Variants in DIAPH2 observed in about 807,000 individuals in gnomAD.
The protein encoded by DIAPH2 is protein diaphanous homolog 2.
In DIAPH2, 35 loss-of-function variants were observed where a neutral mutation model predicts 92.7. The observed-to-expected ratio is 0.38, with a 90% CI of 0.29 to 0.50. The LOEUF (loss-of-function observed/expected upper bound fraction) is 0.50. Ranked by LOEUF, DIAPH2 falls within the 20% of genes least tolerant of loss-of-function variation. DIAPH2 has a pLI of 0.94. For missense variants in DIAPH2, 701 were observed against 819.5 expected, an observed-to-expected ratio of 0.86 and a Z score of 1.77; for synonymous variants, 301 against 280.4, an observed-to-expected ratio of 1.07 and a Z score of -0.73.
chrX:97,416,907 A>AT (rs2147766088), intron 25 of DIAPH2, among the ~76,000 whole-genome samples: 1 of 112,266 alleles, frequency 8.9e-6, no homozygotes, highest in South Asian at 3.8e-4. Context: ...AGTGGATCTA[A>AT]TTTCTCTAAG....
intron 19 of DIAPH2, among the ~76,000 whole-genome samples, chrX:97,075,466 A>G (rs1036905628): frequency 8.9e-6 from 1 of 112,021 alleles, no homozygotes; most frequent in African/African-American, 3.2e-5. Context: ...TGTTTCTGCC[A>G]CTTATAAGCT....
At chrX:97,105,284 A>G (rs1262039327) in intron 20 of DIAPH2, among the ~76,000 whole-genome samples, 2 of 111,394 alleles carry the variant, frequency 1.8e-5, no homozygotes, top group Non-Finnish European at 3.8e-5. Context: ...GTTTGCTTAT[A>G]ATCATGTGCA....
At chrX:97,394,634 A>C (rs1016792008) in intron 25 of DIAPH2, among the ~76,000 whole-genome samples, 1 of 111,877 alleles carries the variant, frequency 8.9e-6, no homozygotes, top group East Asian at 2.8e-4. Flanking sequence ...TGACTTTGTT[A>C]TTTTAATGAA....
intron 23 of DIAPH2, among the ~76,000 whole-genome samples, chrX:97,339,461 G>A (rs1350174312): frequency 1.8e-5 from 2 of 110,816 alleles, no homozygotes; most frequent in Admixed American, 1.9e-4. Context: ...GTTGCAGCGA[G>A]CCGAGATCAC....
chrX:97,322,248 A>C (rs1406854454), intron 23 of DIAPH2, among the ~76,000 whole-genome samples: 1 of 112,599 alleles, frequency 8.9e-6, no homozygotes, highest in Non-Finnish European at 1.9e-5. Flanking sequence ...ATTGGAGCCA[A>C]TGTTCTCTTG....
chrX:97,138,449 A>G (rs1313410658), intron 21 of DIAPH2, among the ~76,000 whole-genome samples: 1 of 111,852 alleles, frequency 8.9e-6, no homozygotes, highest in South Asian at 3.8e-4. Context: ...ACCATTTTAG[A>G]AAGTTATTAA....
intron 17 of DIAPH2, among the ~76,000 whole-genome samples, chrX:97,037,730 G>A (rs938682371): frequency 2.7e-5 from 3 of 111,391 alleles, no homozygotes; most frequent in African/African-American, 9.8e-5. Context: ...CTGGTATGTA[G>A]TATATACTAT....
chrX:97,292,775 C>G (rs974830756), intron 23 of DIAPH2, among the ~76,000 whole-genome samples: 3 of 111,202 alleles, frequency 2.7e-5, no homozygotes, highest in Admixed American at 1.9e-4. Flanking sequence ...AAGAGCATGT[C>G]TACTATTGTT....
chrX:96,856,517 C>T (rs754792627), intron 4 of DIAPH2, among the ~76,000 whole-genome samples: 10 of 105,634 alleles, frequency 9.5e-5, no homozygotes, highest in African/African-American at 2.1e-4. Context: ...TTCAGCAGCA[C>T]AGGTCTAGAT....
chrX:97,269,538 A>G (rs1602465127), intron 23 of DIAPH2, among the ~76,000 whole-genome samples: 1 of 111,834 alleles, frequency 8.9e-6, no homozygotes, highest in Non-Finnish European at 1.9e-5. Context: ...AATCCTGTTC[A>G]TTCAGGTCTG....
intron 4 of DIAPH2, among the ~76,000 whole-genome samples, chrX:96,840,514 T>A (rs2064928150): frequency 8.9e-6 from 1 of 111,904 alleles, no homozygotes; most frequent in Non-Finnish European, 1.9e-5. Context: ...CCACCTTCAT[T>A]CCAGGGTCCA....
intron 9 of DIAPH2, among the ~76,000 whole-genome samples, chrX:96,920,317 G>T (rs2065533648): frequency 9.0e-6 from 1 of 111,348 alleles, no homozygotes; most frequent in Admixed American, 9.6e-5. Flanking sequence ...TCCTGTGGTT[G>T]GGCTTACCTA....
At position 96,880,416 on chromosome X, in the gene DIAPH2, A is replaced by T. The variant is rs757549304; in HGVS notation, c.448-1163A>T. On this transcript the variant is annotated intron_variant, in intron 4 of 26. Transcript: ENST00000324765. ...TTTTGAAATTCAGAAATTAAGAATG[A>T]TTAACACTTTCTACATTGAGGAGGC... 5.4e-5 allele frequency among the ~76,000 whole-genome samples: 6 copies of T among 112,003 alleles called. No individual in the cohort carries two copies. In the East Asian group the frequency reaches 1.7e-3, roughly 31 times the overall value.
At chrX:96,852,437 C>T (rs150810314) in intron 4 of DIAPH2, among the ~76,000 whole-genome samples, 71 of 112,325 alleles carry the variant, frequency 6.3e-4, no homozygotes, top group African/African-American at 2.1e-3. Flanking sequence ...TTTTACTTCA[C>T]TGGTTTTCAT....
intron 4 of DIAPH2, among the ~76,000 whole-genome samples, chrX:96,763,973 T>C (rs1381373330): frequency 9.2e-6 from 1 of 109,050 alleles, no homozygotes; most frequent in African/African-American, 3.3e-5. Flanking sequence ...TACTCTTCTT[T>C]TTTTTTTTTT....
intron 23 of DIAPH2, among the ~76,000 whole-genome samples, chrX:97,333,604 G>A (rs1315723086): frequency 9.3e-5 from 10 of 107,773 alleles, no homozygotes; most frequent in Non-Finnish European, 1.5e-4. Flanking sequence ...TCACTCTGTC[G>A]CTCAGGCTGG....
intron 21 of DIAPH2, among the ~76,000 whole-genome samples, chrX:97,119,597 G>A (rs1388435684): frequency 1.8e-5 from 2 of 111,886 alleles, no homozygotes; most frequent in African/African-American, 6.5e-5. Flanking sequence ...ACCGGCGGTG[G>A]GCAGGGCCCT....
chrX:97,552,531 CATTACTCTTTTGTTTTTGA>C (rs1475494807), intron 26 of DIAPH2, among the ~76,000 whole-genome samples: 1 of 109,545 alleles, frequency 9.1e-6, no homozygotes, highest in African/African-American at 3.3e-5. Flanking sequence ...ACTCTTCACT[CATTACTCTTTTGTTTTTGA>C]ATATACACAT....
At chrX:97,072,824 CA>C in intron 17 of DIAPH2, 116 bp from the exon 18 acceptor site, 1 of 419,310 alleles carries the variant, frequency 2.4e-6, no homozygotes, top group Non-Finnish European at 4.0e-6. Flanking sequence ...ATGAAATCAA[CA>C]CATTTATTGA....
Sources: allele counts gnomAD v4.1 joint callset (sites outside exome capture counted in the v4.1 genomes callset), GRCh38; gene constraint gnomAD v4.1.1; transcripts MANE v1.5; gene names NCBI Gene and HGNC (gene_info 2026-07-23, HGNC 2026-07-21).